Variants in OR1J2 observed in about 807,000 individuals in gnomAD.
OR1J2 encodes olfactory receptor family 1 subfamily J member 2.
For missense variants in OR1J2, 304 were observed against 246.1 expected, an observed-to-expected ratio of 1.24 and a Z score of -1.57; for synonymous variants, 142 against 99.7, an observed-to-expected ratio of 1.42 and a Z score of -2.52.
the OR1J2 span, chr9:122,576,685 T>G: frequency 9.1e-4 from 139 of 152,356 alleles, 1 homozygote; most frequent in African/African-American, 2.9e-3. Flanking sequence ...CTATGACTGG[T>G]TCCCCCTAGA....
the OR1J2 span, among the ~76,000 whole-genome samples, chr9:122,464,900 C>G: frequency 6.6e-6 from 1 of 152,140 alleles, no homozygotes; most frequent in East Asian, 1.9e-4. Flanking sequence ...TTTAGAAAGA[C>G]AGTTTGTCTT....
chr9:122,503,624 G>A, the OR1J2 span, among the ~76,000 whole-genome samples: 1 of 152,168 alleles, frequency 6.6e-6, no homozygotes, highest in Non-Finnish European at 1.5e-5. Context: ...ATTGACATAA[G>A]ATATAAAAAC....
the OR1J2 span, among the ~76,000 whole-genome samples, chr9:122,480,631 CT>C: frequency 1.6e-3 from 235 of 150,462 alleles, 1 homozygote; most frequent in African/African-American, 5.1e-3. Context: ...GTATTTGCTT[CT>C]TTTTTTTATT....
the OR1J2 span, among the ~76,000 whole-genome samples, chr9:122,517,873 C>T: frequency 2.0e-5 from 3 of 152,132 alleles, no homozygotes; most frequent in East Asian, 3.8e-4. Context: ...CTCTCACCCC[C>T]TCAAGCTCCC....
chr9:122,451,215 C>T, the OR1J2 span, among the ~76,000 whole-genome samples: 4 of 147,194 alleles, frequency 2.7e-5, no homozygotes, highest in South Asian at 4.3e-4. Context: ...GATGGAGTTT[C>T]GCTCTTGTTA....
At chr9:122,498,326 T>C in the OR1J2 span, among the ~76,000 whole-genome samples, 1 of 152,164 alleles carries the variant, frequency 6.6e-6, no homozygotes, top group Non-Finnish European at 1.5e-5. Flanking sequence ...TTAAAACAAA[T>C]TTTTAAAAAT....
chr9:122,449,299 C>G, the OR1J2 span, among the ~76,000 whole-genome samples: 9 of 152,156 alleles, frequency 5.9e-5, no homozygotes, highest in Non-Finnish European at 1.3e-4. Context: ...GGGCATTGCA[C>G]CAGATCTGGG....
chr9:122,550,561 G>T, the OR1J2 span, among the ~76,000 whole-genome samples: 4 of 148,936 alleles, frequency 2.7e-5, no homozygotes, highest in Admixed American at 6.7e-5. Context: ...GATCAAGTGG[G>T]TTTTTTTTTT....
the OR1J2 span, among the ~76,000 whole-genome samples, chr9:122,500,102 G>A: frequency 6.6e-6 from 1 of 152,202 alleles, no homozygotes. Flanking sequence ...TAAAATGCTT[G>A]CACAGCCACA....
chr9:122,534,908 C>CCAT, the OR1J2 span, among the ~76,000 whole-genome samples: 1 of 152,068 alleles, frequency 6.6e-6, no homozygotes, highest in African/African-American at 2.4e-5. Flanking sequence ...AGTGAAAGTG[C>CCAT]CATTTTCTGG....
the OR1J2 span, among the ~76,000 whole-genome samples, chr9:122,540,093 T>C: frequency 1.3e-5 from 2 of 152,068 alleles, no homozygotes; most frequent in Non-Finnish European, 2.9e-5. Flanking sequence ...GTAGTTTCTT[T>C]TGCTGTGCAG....
the OR1J2 span, among the ~76,000 whole-genome samples, chr9:122,557,736 GTTCT>G: frequency 1.3e-5 from 2 of 151,986 alleles, no homozygotes; most frequent in Non-Finnish European, 2.9e-5. Flanking sequence ...TGAGCTAAAA[GTTCT>G]TTCTTACTCT....
chr9:122,511,170 T>A lies in OR1J2; in HGVS notation c.369T>A (p.Tyr123Ter). The A allele has an allele frequency of 1.4e-6, 1 of 718,520 alleles. No homozygotes were observed. The highest frequency in any genetic ancestry group is 2.1e-5 in the Admixed American group (1 of 48,042). The allele number at this position is 718,520 out of a possible 1,614,324, so 44.5% of individuals were successfully genotyped here. The change falls in exon 1 of 1, where the codon TAT becomes TAA. Residue 123 changes from tyrosine to a stop codon, truncating the protein, a stop_gained. Coordinates refer to ENST00000335302, the MANE Select transcript of OR1J2 (RefSeq NM_054107.1). LOFTEE classifies it low-confidence loss of function (END_TRUNC). ...FLITSMAYDR[Y>*]VAICHPLHYT... ...TTACATCAATGGCATATGACCGATA[T>A]GTTGCCATATGTCACCCTCTCCACT...
the OR1J2 span, among the ~76,000 whole-genome samples, chr9:122,564,161 G>A: frequency 6.6e-6 from 1 of 152,228 alleles, no homozygotes; most frequent in African/African-American, 2.4e-5. Flanking sequence ...AAACATCACT[G>A]TTGCCCTCTA....
chr9:122,572,119 T>C, the OR1J2 span, among the ~76,000 whole-genome samples: 5 of 152,124 alleles, frequency 3.3e-5, no homozygotes, highest in Admixed American at 6.5e-5. Flanking sequence ...AAGTAGATCT[T>C]GTGAAAACTC....
the OR1J2 span, among the ~76,000 whole-genome samples, chr9:122,554,809 TTG>T: frequency 9.7e-6 from 1 of 102,862 alleles, no homozygotes; most frequent in Non-Finnish European, 2.1e-5. Context: ...CACTCTTCTG[TTG>T]TAGTAAATAG....
At chr9:122,574,991 G>A in the OR1J2 span, among the ~76,000 whole-genome samples, 5 of 152,128 alleles carry the variant, frequency 3.3e-5, no homozygotes, top group East Asian at 9.6e-4. Context: ...TTGATGTGAT[G>A]CATTACAATA....
chr9:122,565,247 G>T, the OR1J2 span, among the ~76,000 whole-genome samples: 1 of 152,204 alleles, frequency 6.6e-6, no homozygotes, highest in Admixed American at 6.5e-5. Context: ...GATACCTGGG[G>T]AAGAGCAATG....
At chr9:122,526,721 G>A in the OR1J2 span, 1 of 1,614,160 alleles carries the variant, frequency 6.2e-7, no homozygotes, top group Middle Eastern at 1.6e-4. Context: ...TCTCGTTGAT[G>A]TGGGTGTCAG....
Sources: allele counts gnomAD v4.1 joint callset (sites outside exome capture counted in the v4.1 genomes callset), GRCh38; gene constraint gnomAD v4.1.1; transcripts MANE v1.5; gene names NCBI Gene and HGNC (gene_info 2026-07-23, HGNC 2026-07-21).